The following CCDC25 variants were observed in gnomAD, a reference collection of about 807,000 sequenced individuals.
The protein encoded by CCDC25 is coiled-coil domain containing 25.
In CCDC25, 16 loss-of-function variants were observed where a neutral mutation model predicts 35.3. The observed-to-expected ratio is 0.45, with a 90% CI of 0.31 to 0.69. The LOEUF is 0.69. Among genes scored for constraint, CCDC25 ranks in the 30% least tolerant of loss-of-function variants. The pLI is 0.06. For missense variants in CCDC25, 179 were observed against 250.7 expected (o/e 0.71, Z 1.93); for synonymous variants, 79 against 80.3 (o/e 0.98, Z 0.09).
intron 5 of CCDC25, 29 bp from the exon 6 acceptor site, chr8:27,748,627 A>G (rs1445183874): frequency 6.6e-7 from 1 of 1,505,798 alleles, no homozygotes; most frequent in Non-Finnish European, 9.2e-7. Flanking sequence ...TTCAACATGC[A>G]GGCAGGATGA....
At chr8:27,751,067 G>C (rs1803785158) in intron 5 of CCDC25, among the ~76,000 whole-genome samples, 2 of 152,194 alleles carry the variant, frequency 1.3e-5, no homozygotes, top group African/African-American at 2.4e-5. Flanking sequence ...CTGAAGAGGA[G>C]AGAAACAGTA....
intron 1 of CCDC25, among the ~76,000 whole-genome samples, chr8:27,765,974 A>G (rs1804386790): frequency 6.6e-6 from 1 of 152,174 alleles, no homozygotes; most frequent in Admixed American, 6.5e-5. Context: ...TCCTAACTCA[A>G]ATGGAATCTT....
intron 2 of CCDC25, among the ~76,000 whole-genome samples, 153 bp downstream of exon 2, chr8:27,765,051 C>G (rs952088520): frequency 6.6e-6 from 1 of 152,128 alleles, no homozygotes; most frequent in African/African-American, 2.4e-5. Flanking sequence ...TGCTGTCTCC[C>G]TATGTGAGCT....
At chr8:27,746,625 T>G (rs1371220591) in intron 7 of CCDC25, among the ~76,000 whole-genome samples, 1 of 152,148 alleles carries the variant, frequency 6.6e-6, no homozygotes, top group Non-Finnish European at 1.5e-5. Flanking sequence ...TTTCACAAAT[T>G]TTACCTCACT....
intron 3 of CCDC25, among the ~76,000 whole-genome samples, chr8:27,759,779 CAA>C (rs77051762): frequency 0.029 from 2,626 of 91,178 alleles, 149 homozygotes; most frequent in East Asian, 0.25. Flanking sequence ...GACTCTGTCT[CAA>C]AAAAAAAAAA....
chr8:27,761,789 G>T lies in CCDC25; in HGVS notation c.116+630C>A, dbSNP rs114380871. On this transcript the variant is annotated intron_variant, in intron 3 of 8. Transcript: ENST00000356537. ...AGTCTATATGGTGTTCTAAGACAGA[G>T]AAAAGAATTCAGCTTAAATGAAGTC... Among the ~76,000 whole-genome samples, 1,433 of 152,300 alleles carry T rather than the reference G, an allele frequency of 9.4e-3. 26 individuals are homozygous for T. The highest frequency in any genetic ancestry group is 0.032 in the African/African-American group (1,337 of 41,562).
chr8:27,742,834 T>A (rs760594060), intron 7 of CCDC25, among the ~76,000 whole-genome samples: 27 of 152,196 alleles, frequency 1.8e-4, no homozygotes, highest in Admixed American at 2.6e-4. Flanking sequence ...GCCACTGCAC[T>A]CCAGCCTGGG....
chr8:27,764,110 C>G (rs1043611378), intron 2 of CCDC25, among the ~76,000 whole-genome samples: 1 of 152,132 alleles, frequency 6.6e-6, no homozygotes, highest in Non-Finnish European at 1.5e-5. Flanking sequence ...AGTTCTTGGT[C>G]TGAAGTCATA....
intron 3 of CCDC25, among the ~76,000 whole-genome samples, chr8:27,758,523 A>AT (rs1201681404): frequency 6.6e-6 from 1 of 152,216 alleles, no homozygotes; most frequent in African/African-American, 2.4e-5. Context: ...CATGTGAGAG[A>AT]TTCATACTAA....
At chr8:27,757,533 T>C (rs1428237445) in intron 3 of CCDC25, among the ~76,000 whole-genome samples, 1 of 152,178 alleles carries the variant, frequency 6.6e-6, no homozygotes, top group Non-Finnish European at 1.5e-5. Flanking sequence ...CCCTTAAATT[T>C]ACCTTTCATG....
chr8:27,755,890 A>G (rs1011676989), intron 4 of CCDC25, among the ~76,000 whole-genome samples: 4 of 152,260 alleles, frequency 2.6e-5, no homozygotes, highest in African/African-American at 9.6e-5. Flanking sequence ...GATAGACTAG[A>G]GGAGACTAGG....
chr8:27,743,996 T>C (rs1004659153), intron 7 of CCDC25, among the ~76,000 whole-genome samples: 19 of 152,300 alleles, frequency 1.2e-4, no homozygotes, highest in African/African-American at 4.6e-4. Flanking sequence ...AATTAAACTT[T>C]TGAAGCAAAA....
rs1803183823 is a variant in CCDC25, at chr8:27,735,365, T to C, written c.*851A>G. The C allele has an allele frequency of 1.3e-5, 2 of 152,434 alleles. No homozygotes were observed. The highest frequency in any genetic ancestry group is 4.1e-4 in the South Asian group (2 of 4,828). The allele number at this position is 152,434 out of a possible 1,614,324, so 9.4% of individuals were successfully genotyped here. A position where few individuals can be genotyped will look rare whatever the true frequency, so the allele number is the denominator to read the frequency against. On this transcript the variant is annotated 3_prime_UTR_variant, in exon 9 of 9. Coordinates refer to ENST00000356537, the MANE Select transcript of CCDC25 (RefSeq NM_018246.3). The stretch of plus-strand genomic sequence containing the variant: ...AAATGCTTAGTTCCTTCTAAAATCA[T>C]AATTGCAATATGGACTTCTGCTTCA...
intron 1 of CCDC25, among the ~76,000 whole-genome samples, chr8:27,771,369 G>T (rs10093956): frequency 6.6e-6 from 1 of 151,926 alleles, no homozygotes; most frequent in Non-Finnish European, 1.5e-5. Context: ...TGTCATTAAG[G>T]GACGCATGGC....
chr8:27,745,010 T>A (rs1283168075), intron 7 of CCDC25, among the ~76,000 whole-genome samples: 1 of 152,182 alleles, frequency 6.6e-6, no homozygotes. Context: ...CACAGCTTTT[T>A]ATTTTTATTT....
At chr8:27,745,288 G>T (rs1023058487) in intron 7 of CCDC25, among the ~76,000 whole-genome samples, 1 of 152,066 alleles carries the variant, frequency 6.6e-6, no homozygotes, top group African/African-American at 2.4e-5. Context: ...GAATCACTTT[G>T]CCTGGCCGCA....
intron 2 of CCDC25, among the ~76,000 whole-genome samples, chr8:27,763,655 T>C (rs1320662607): frequency 2.0e-5 from 3 of 152,244 alleles, no homozygotes; most frequent in South Asian, 4.1e-4. Context: ...GAGGTGAAGG[T>C]TGCAGTGAGC....
chr8:27,743,197 A>G (rs1803498173), intron 7 of CCDC25, among the ~76,000 whole-genome samples: 2 of 152,192 alleles, frequency 1.3e-5, no homozygotes, highest in African/African-American at 2.4e-5. Context: ...TAGAAAAACA[A>G]TAATCCACTT....
In CCDC25 at chr8:27,748,393, A is replaced by G. The variant is rs555691437; in HGVS notation, c.348+102T>C. 2.3e-5 allele frequency: 30 copies of G among 1,312,812 alleles called. No individual in the cohort carries two copies. In the East Asian group the frequency reaches 6.0e-4, roughly 26 times the overall value. 81.3% of individuals were successfully genotyped at this position (1,312,812 alleles called of 1,614,324 possible). On this transcript the variant is annotated intron_variant, in intron 6 of 8. Coordinates refer to ENST00000356537, the MANE Select transcript of CCDC25 (RefSeq NM_018246.3). ...CAGTTTAATTCCCTTTAGAAAACATATATCATGCTCAGCCCTCAACAACAA... is the reference window on the plus strand; with the variant it reads ...CAGTTTAATTCCCTTTAGAAAACATGTATCATGCTCAGCCCTCAACAACAA...
Sources: allele counts gnomAD v4.1 joint callset (sites outside exome capture counted in the v4.1 genomes callset), GRCh38; gene constraint gnomAD v4.1.1; transcripts MANE v1.5; gene names NCBI Gene and HGNC (gene_info 2026-07-23, HGNC 2026-07-21).